The following PIK3CB variants were observed in gnomAD, a reference collection of about 807,000 sequenced individuals.
PIK3CB encodes the protein phosphatidylinositol 4,5-bisphosphate 3-kinase catalytic subunit beta isoform.
A neutral mutation model predicts 136.8 loss-of-function variants in PIK3CB; 39 were observed. That is an observed-to-expected ratio of 0.29 (90% confidence interval 0.22 to 0.37). The LOEUF (loss-of-function observed/expected upper bound fraction) is 0.37. PIK3CB is among the 10% of genes least tolerant of loss of function. The probability of loss-of-function intolerance (pLI) is 1.00; values close to 1 mark genes in which losing one functional copy is unlikely to be tolerated. For synonymous variants in PIK3CB, 428 were observed against 436.6 expected (o/e 0.98, Z 0.25); for missense variants, 868 against 1,275.4 (o/e 0.68, Z 4.87).
At chr3:138,659,815 GGGAA>G (rs2043257632) in intron 21 of PIK3CB, among the ~76,000 whole-genome samples, 1 of 150,624 alleles carries the variant, frequency 6.6e-6, no homozygotes, top group Non-Finnish European at 1.5e-5. Flanking sequence ...CATTGGCTCT[GGGAA>G]ATGTCTTAGT....
At chr3:138,812,077 C>A (rs548478529) in intron 1 of PIK3CB, among the ~76,000 whole-genome samples, 3 of 151,794 alleles carry the variant, frequency 2.0e-5, no homozygotes, top group Middle Eastern at 3.4e-3. Flanking sequence ...GGCAACAGGG[C>A]AAGACCGTAT....
intron 4 of PIK3CB, among the ~76,000 whole-genome samples, chr3:138,747,148 C>CG (rs1240711294): frequency 2.5e-5 from 3 of 120,784 alleles, no homozygotes; most frequent in Non-Finnish European, 5.1e-5. Flanking sequence ...ACACTAGTAC[C>CG]TAGAACTCCT....
intron 10 of PIK3CB, among the ~76,000 whole-genome samples, chr3:138,711,958 A>G (rs551672900): frequency 5.3e-5 from 8 of 151,848 alleles, no homozygotes; most frequent in African/African-American, 1.9e-4. Context: ...AAATAAAAAA[A>G]AATAATAAAT....
chr3:138,668,588 A>G lies in PIK3CB; in HGVS notation c.2505-3385T>C, dbSNP rs1168693760. On this transcript the variant is annotated intron_variant, in intron 19 of 23. Transcript: ENST00000674063. ...AATCTGTTACCTTTCACACTAAATC[A>G]AACATTTAAAAATGAAATAAATTCT... Among the ~76,000 whole-genome samples the G allele has an allele frequency of 2.0e-5, 3 of 152,216 alleles. No homozygotes were observed. In the East Asian group the frequency reaches 5.8e-4, roughly 29 times the overall value.
chr3:138,752,231 A>C (rs1476657772), intron 4 of PIK3CB, among the ~76,000 whole-genome samples: 1 of 152,208 alleles, frequency 6.6e-6, no homozygotes, highest in Non-Finnish European at 1.5e-5. Context: ...AGAAAAAAAA[A>C]AGATTAGCCA....
intron 18 of PIK3CB, 96 bp downstream of exon 18, chr3:138,683,581 GT>G (rs528494460): frequency 1.7e-5 from 12 of 706,734 alleles, no homozygotes; most frequent in Non-Finnish European, 2.8e-5. Context: ...GCTGCAAATT[GT>G]TACACACTTA....
intron 19 of PIK3CB, among the ~76,000 whole-genome samples, chr3:138,681,100 G>A (rs1478863103): frequency 1.4e-5 from 2 of 144,822 alleles, no homozygotes; most frequent in African/African-American, 5.2e-5. Context: ...AGCCTGGAGT[G>A]TAGTGGTGCA....
intron 2 of PIK3CB, among the ~76,000 whole-genome samples, chr3:138,761,915 G>C (rs1039727799): frequency 6.6e-5 from 10 of 150,734 alleles, no homozygotes; most frequent in African/African-American, 2.4e-4. Flanking sequence ...ACTCCAGCCT[G>C]GGCAACAGAG....
chr3:138,669,704 G>A (rs2043494154), intron 19 of PIK3CB, among the ~76,000 whole-genome samples: 1 of 152,024 alleles, frequency 6.6e-6, no homozygotes, highest in South Asian at 2.1e-4. Flanking sequence ...AGAGTATTTT[G>A]GAACGTCATA....
chr3:138,766,176 A>C (rs1439929470), intron 2 of PIK3CB, among the ~76,000 whole-genome samples: 1 of 152,152 alleles, frequency 6.6e-6, no homozygotes, highest in Non-Finnish European at 1.5e-5. Context: ...TCTGAAAATG[A>C]TGTATTTTTT....
At chr3:138,800,576 GA>G (rs35224571) in intron 1 of PIK3CB, among the ~76,000 whole-genome samples, 61,237 of 151,430 alleles carry the variant, frequency 0.4, 13,197 homozygotes, top group Middle Eastern at 0.47. Context: ...CTCAGGCTCT[GA>G]AAGTGCTGGC....
In PIK3CB at chr3:138,742,640, T is replaced by C. The variant is rs1333098030; in HGVS notation, c.539A>G (p.His180Arg). ...TAAGTTTTCAGGGATGGATGGTTCA[T>C]GCTCTGGTGGATATGTTTGTTTTAG... ...DWLKQTYPPE[H>R]EPSIPENLED... The change falls in exon 5 of 24, where the codon CAT becomes CGT. Residue 180 changes from histidine to arginine, a missense_variant. His to Arg is a conservative substitution (Grantham distance 29). This residue lies in a region of PIK3CB where 612 missense variants were observed against 801.1 expected (regional missense o/e 0.76). Coordinates refer to ENST00000674063, the MANE Select transcript of PIK3CB (RefSeq NM_006219.3). 3 of 1,609,994 alleles carry C rather than the reference T, an allele frequency of 1.9e-6. No homozygotes were observed. Among genetic ancestry groups the C allele is most frequent in the South Asian group, 2.2e-5 (2 of 90,962 alleles).
In PIK3CB at chr3:138,704,491, A is replaced by C. The variant is rs997446291; in HGVS notation, c.1533T>G (p.Ile511Met). ...QPYYYPPFDK[I>M]IEKAAEIASS... is the part of the protein sequence containing the mutation. ...TTGCAATCTCAGCTGCCTTTTCAAT[A>C]ATCTGTTTAAAAAAATTAAAGAAAA... Residue 511 changes from isoleucine (I) to methionine (M), a missense_variant and splice_region_variant, in exon 12 of 24, where the codon ATT (isoleucine) becomes ATG (methionine). Around this residue, in one of 4 missense-constraint regions of PIK3CB, gnomAD observed 612 missense variants for 801.1 expected, o/e 0.76. Transcript: ENST00000674063. The C allele has an allele frequency of 2.2e-5, 35 of 1,600,178 alleles. No individual in the cohort carries two copies. The highest frequency in any genetic ancestry group is 2.8e-5 in the Non-Finnish European group (33 of 1,167,582).
intron 1 of PIK3CB, chr3:138,826,383 C>T: frequency 3.3e-6 from 5 of 1,497,006 alleles, no homozygotes; most frequent in Non-Finnish European, 3.7e-6. Flanking sequence ...GAAGAATAGC[C>T]TCAGAAATGT....
rs60224543 is a variant in PIK3CB, at chr3:138,709,081, CA to C, written c.1400-1793del. Among the ~76,000 whole-genome samples, 386 of 141,824 alleles carry C rather than the reference CA, an allele frequency of 2.7e-3. 2 individuals carry two copies. Among genetic ancestry groups the C allele is most frequent in the South Asian group, 0.01 (46 of 4,458 alleles). The allele number at this position is 141,824 out of a possible 152,430, so 93.0% of individuals were successfully genotyped here. A position where few individuals can be genotyped will look rare whatever the true frequency, so the allele number is the denominator to read the frequency against. On this transcript the variant is annotated intron_variant, in intron 10 of 23. Transcript: ENST00000674063. ...TATACATGTGAACCACCATATGTGG[CA>C]AAAAAAAAAGGCATTCATATATACT...
chr3:138,732,711 GAAAGA>G (rs1380199043), intron 8 of PIK3CB, among the ~76,000 whole-genome samples: 1 of 59,296 alleles, frequency 1.7e-5, no homozygotes, highest in Non-Finnish European at 3.3e-5. Flanking sequence ...AGTTTAAAAG[GAAAGA>G]AAAGAAAAAA....
intron 2 of PIK3CB, among the ~76,000 whole-genome samples, chr3:138,779,934 TACTGAAATTTAAATGGC>T (rs2045904882): frequency 6.6e-6 from 1 of 152,038 alleles, no homozygotes; most frequent in African/African-American, 2.4e-5. Context: ...GTCCAAGTTC[TACTGAAATTTAAATGGC>T]ACTGAGAACT....
At chr3:138,738,423 A>C (rs907247243) in intron 5 of PIK3CB, among the ~76,000 whole-genome samples, 1 of 152,112 alleles carries the variant, frequency 6.6e-6, no homozygotes, top group Non-Finnish European at 1.5e-5. Context: ...CGCCTGCCTC[A>C]GCCTCCCAAA....
intron 2 of PIK3CB, among the ~76,000 whole-genome samples, chr3:138,771,537 A>G (rs1222065652): frequency 2.0e-5 from 3 of 152,158 alleles, no homozygotes; most frequent in African/African-American, 7.2e-5. Context: ...TCATTTTCTA[A>G]AGGTGATTAT....
Sources: allele counts gnomAD v4.1 joint callset (sites outside exome capture counted in the v4.1 genomes callset), GRCh38; gene constraint gnomAD v4.1.1; regional missense constraint gnomAD v4.1.1; transcripts MANE v1.5; gene names NCBI Gene and HGNC (gene_info 2026-07-23, HGNC 2026-07-21).